RARA: variants seen among roughly 807,000 people sequenced by gnomAD.
The protein encoded by RARA is retinoic acid receptor alpha, also known as PML-DDX5-RARA fusion.
RARA carries 5 observed loss-of-function variants against 42.8 expected under a neutral mutation model. The observed-to-expected ratio is 0.12, with a 90% CI of 0.06 to 0.25. The LOEUF is 0.25. RARA is among the 10% of genes least tolerant of loss of function. The pLI is 1.00. For synonymous variants in RARA, 256 were observed against 259.5 expected, an observed-to-expected ratio of 0.99 and a Z score of 0.13; for missense variants, 402 against 628.7, an observed-to-expected ratio of 0.64 and a Z score of 3.86.
chr17:40,317,740 C>T (rs1341767048), intron 1 of RARA, among the ~76,000 whole-genome samples: 3 of 150,240 alleles, frequency 2.0e-5, no homozygotes, highest in Non-Finnish European at 4.4e-5. Flanking sequence ...TAATTAAGAT[C>T]CAGGGAAGGG....
intron 2 of RARA, among the ~76,000 whole-genome samples, chr17:40,335,668 G>T (rs921112861): frequency 1.3e-5 from 2 of 151,692 alleles, no homozygotes; most frequent in South Asian, 4.2e-4. Context: ...CCAGCCTGGG[G>T]GATAGAGCGA....
In RARA at chr17:40,355,838, C is replaced by T. The variant is rs1167993242; in HGVS notation, c.1172-171C>T. ...CGGGACCACTTTGCCCCATTGCCACCAGCCTCTGGACCTGGGGGCTTAAGA... is the reference window on the plus strand; with the variant it reads ...CGGGACCACTTTGCCCCATTGCCACTAGCCTCTGGACCTGGGGGCTTAAGA... On this transcript the variant is annotated intron_variant, in intron 8 of 8. Coordinates refer to ENST00000254066, the MANE Select transcript of RARA (RefSeq NM_000964.4). This position sits in a 1 kb window ranked among gnomAD's most constrained non-coding sequence, Gnocchi z 4.1. Among the ~76,000 whole-genome samples, 2 of 152,256 alleles carry T rather than the reference C, an allele frequency of 1.3e-5. No homozygotes were observed. The highest frequency in any genetic ancestry group is 4.8e-5 in the African/African-American group (2 of 41,466).
rs541547877 is a variant in RARA at position 40,325,199 on chromosome 17, C to T, written c.-362-5658C>T. 1.4e-4 allele frequency among the ~76,000 whole-genome samples: 21 copies of T among 151,666 alleles called. 1 individual carries two copies. The highest frequency in any genetic ancestry group is 4.6e-4 in the African/African-American group (19 of 41,286). Reference sequence around the variant, plus strand: ...CCGGGAGGCGGAGGTTGCAGTGAGCCGAGATTGCGCCATTGCACTCCAGCA... The same window carrying T: ...CCGGGAGGCGGAGGTTGCAGTGAGCTGAGATTGCGCCATTGCACTCCAGCA... On this transcript the variant is annotated intron_variant, in intron 1 of 8. Transcript: ENST00000254066.
At chr17:40,336,681 C>A (rs1472828980) in intron 2 of RARA, among the ~76,000 whole-genome samples, 2 of 151,498 alleles carry the variant, frequency 1.3e-5, no homozygotes, top group Admixed American at 1.3e-4. Flanking sequence ...AGCCACCGCG[C>A]CCGGCTTGTT....
intron 2 of RARA, chr17:40,341,651 C>A (rs1388325752): frequency 2.2e-6 from 3 of 1,344,062 alleles, no homozygotes; most frequent in Non-Finnish European, 2.9e-6. Flanking sequence ...CGCCGCCAGG[C>A]GAGTTCAGCG....
intron 1 of RARA, among the ~76,000 whole-genome samples, chr17:40,310,433 G>A (rs2033074584): frequency 6.6e-6 from 1 of 152,036 alleles, no homozygotes; most frequent in South Asian, 2.1e-4. Flanking sequence ...CACACTGAGG[G>A]AACTCCTCTA....
chr17:40,340,550 C>T (rs2034002052), intron 2 of RARA, among the ~76,000 whole-genome samples: 1 of 152,202 alleles, frequency 6.6e-6, no homozygotes, highest in Non-Finnish European at 1.5e-5. Flanking sequence ...ACAGACTCGC[C>T]CTTTAACTGG....
At chr17:40,329,732 G>T (rs2033641050) in intron 1 of RARA, among the ~76,000 whole-genome samples, 1 of 152,206 alleles carries the variant, frequency 6.6e-6, no homozygotes, top group Admixed American at 6.5e-5. Context: ...GGGATTACAG[G>T]CGTGAGCCAC....
chr17:40,335,421 G>A lies in RARA; in HGVS notation c.178+4025G>A, dbSNP rs139095684. Among the ~76,000 whole-genome samples the A allele has an allele frequency of 6.6e-5, 10 of 152,268 alleles. No individual in the cohort carries two copies. The East Asian group carries it at 1.7e-3, about 26-fold the overall frequency. On this transcript the variant is annotated intron_variant, in intron 2 of 8. Coordinates refer to ENST00000254066, the MANE Select transcript of RARA (RefSeq NM_000964.4). ...ACTTGGACACTGGGCTGGGCGTGGT[G>A]ACTCATGCCTGTAATCCCAGCACTT...
In RARA at chr17:40,319,313, C is replaced by T. The variant is rs753171891; in HGVS notation, c.-363+10027C>T. ...GGGTGGGGATGGGGACCAACTAACC[C>T]GGAAACCAGACAGAAGAGCTCCCCA... On this transcript the variant is annotated intron_variant, in intron 1 of 8. Coordinates refer to ENST00000254066, the MANE Select transcript of RARA (RefSeq NM_000964.4). Among the ~76,000 whole-genome samples the T allele has an allele frequency of 5.3e-5, 8 of 152,176 alleles. No individual in the cohort carries two copies. In the East Asian group the frequency reaches 1.4e-3, roughly 26 times the overall value.
At chr17:40,318,963 C>T (rs2033289132) in intron 1 of RARA, among the ~76,000 whole-genome samples, 1 of 152,186 alleles carries the variant, frequency 6.6e-6, no homozygotes, top group Non-Finnish European at 1.5e-5. Flanking sequence ...GTGAGGGGAA[C>T]CGTCAGAATT....
Position 40,320,610 on chromosome 17 carries a change from G to A in RARA, c.-362-10247G>A, listed in dbSNP as rs1407716099. Among the ~76,000 whole-genome samples the A allele has an allele frequency of 6.6e-6, 1 of 152,184 alleles. No individual in the cohort carries two copies. Among genetic ancestry groups the A allele is most frequent in the Non-Finnish European group, 1.5e-5 (1 of 68,028 alleles). On this transcript the variant is annotated intron_variant, in intron 1 of 8. Coordinates refer to ENST00000254066, the MANE Select transcript of RARA (RefSeq NM_000964.4). The surrounding 1 kb of genome is among the most constrained non-coding windows in gnomAD (Gnocchi z 4.1). ...ACTCCTTGCTCAGACTCCAGTCTCA[G>A]GTGGGATGGTCCTCAGAACCGTGTG...
intron 1 of RARA, among the ~76,000 whole-genome samples, chr17:40,315,132 G>GTA (rs71356657): frequency 0.066 from 4,180 of 63,798 alleles, 146 homozygotes; most frequent in Admixed American, 0.1. Context: ...GCTTATATGT[G>GTA]TATATATATA....
intron 1 of RARA, among the ~76,000 whole-genome samples, chr17:40,314,239 C>G (rs2033149995): frequency 6.6e-6 from 1 of 151,626 alleles, no homozygotes; most frequent in Admixed American, 6.6e-5. Flanking sequence ...CCCACCCCAT[C>G]AGCTCTGGTA....
chr17:40,328,191 T>G (rs1367343090), intron 1 of RARA, among the ~76,000 whole-genome samples: 3 of 152,006 alleles, frequency 2.0e-5, no homozygotes, highest in Non-Finnish European at 4.4e-5. Context: ...CACAGTGGCC[T>G]TGGCAGGAAC....
intron 2 of RARA, among the ~76,000 whole-genome samples, chr17:40,337,393 C>A (rs2143333031): frequency 6.6e-6 from 1 of 152,242 alleles, no homozygotes; most frequent in Middle Eastern, 3.4e-3. Flanking sequence ...CCAAGCCATA[C>A]CCCCTCCTCT....
At chr17:40,348,091 G>A in intron 2 of RARA, 2 of 436,356 alleles carry the variant, frequency 4.6e-6, no homozygotes, top group Non-Finnish European at 8.0e-6. Context: ...GGTTTTGAAG[G>A]TGGGGGTCCT....
chr17:40,309,729 C>T (rs1180099260), intron 1 of RARA, among the ~76,000 whole-genome samples: 1 of 152,154 alleles, frequency 6.6e-6, no homozygotes, highest in Non-Finnish European at 1.5e-5. Context: ...GAGCTCAGGA[C>T]TTTGCCCCTA....
chr17:40,335,816 C>A (rs1567753597), intron 2 of RARA, among the ~76,000 whole-genome samples: 1 of 152,004 alleles, frequency 6.6e-6, no homozygotes. Flanking sequence ...CAAGCCTGGA[C>A]AACATAGTGA....
Sources: gnomAD v4.1 joint callset for allele counts (sites outside exome capture counted in the v4.1 genomes callset) on GRCh38, gnomAD v4.1.1 for gene constraint, Gnocchi (gnomAD v3.1) non-coding constraint, MANE v1.5 for transcripts, NCBI Gene and HGNC (gene_info 2026-07-23, HGNC 2026-07-21) for gene names.